The following GABRR3 variants were observed in gnomAD, a reference collection of about 807,000 sequenced individuals.
The protein encoded by GABRR3 is gamma-aminobutyric acid receptor subunit rho-3.
GABRR3 carries 29 observed loss-of-function variants against 43.2 expected under a neutral mutation model. That is an observed-to-expected ratio of 0.67 (90% CI 0.50 to 0.92). The LOEUF is 0.92. Ranked by LOEUF, GABRR3 falls within the 40% of genes least tolerant of loss-of-function variation. The pLI, the probability that GABRR3 is intolerant of heterozygous loss-of-function variation, is 0.00. For missense variants in GABRR3, 576 were observed against 572.3 expected, an observed-to-expected ratio of 1.01 and a Z score of -0.07; for synonymous variants, 206 against 195.9, an observed-to-expected ratio of 1.05 and a Z score of -0.43.
chr3:98,011,053 T>C (rs966692723), intron 5 of GABRR3, among the ~76,000 whole-genome samples: 1 of 152,128 alleles, frequency 6.6e-6, no homozygotes, highest in Non-Finnish European at 1.5e-5. Flanking sequence ...TGAGCTGAGA[T>C]TGTGCCACTG....
chr3:98,032,893 A>G (rs1707107931), intron 2 of GABRR3, among the ~76,000 whole-genome samples: 1 of 152,194 alleles, frequency 6.6e-6, no homozygotes, highest in Non-Finnish European at 1.5e-5. Context: ...TTCATTCATT[A>G]CTTAATTATT....
In GABRR3 at chr3:98,007,705, C is replaced by T. The variant is rs1039287616; in HGVS notation, c.754+59G>A. 6 of 1,588,286 alleles carry T rather than the reference C, an allele frequency of 3.8e-6. No homozygotes were observed. In the African/African-American group the frequency reaches 6.7e-5, roughly 18 times the overall value. ...TCCGGTCTTTTCGCATGTTGTGGTG[C>T]TTTGCAAACAGTAGATGTCCAATAA... On this transcript the variant is annotated intron_variant, in intron 7 of 9. Transcript: ENST00000621172.
At chr3:98,022,911 G>A (rs1706968214) in intron 3 of GABRR3, among the ~76,000 whole-genome samples, 1 of 152,094 alleles carries the variant, frequency 6.6e-6, no homozygotes, top group South Asian at 2.1e-4. Flanking sequence ...AACAGATCAA[G>A]CACAGTGGAA....
At chr3:98,031,491 T>A (rs1218938133) in intron 2 of GABRR3, among the ~76,000 whole-genome samples, 1 of 152,078 alleles carries the variant, frequency 6.6e-6, no homozygotes, top group Non-Finnish European at 1.5e-5. Flanking sequence ...ATGCCTATAA[T>A]CCCAGCACTT....
In GABRR3 at chr3:98,024,241, C is replaced by A. The variant is rs190376048; in HGVS notation, c.238+1326G>T. Among the ~76,000 whole-genome samples, 3 of 152,060 alleles carry A rather than the reference C, an allele frequency of 2.0e-5. No individual in the cohort carries two copies. The East Asian group carries it at 5.8e-4, about 29-fold the overall frequency. ...TGGCCTGGTTTCACGTGCCTGTAAT[C>A]CCAGCTACTTGGGAGGCTGAGGCTG... On this transcript the variant is annotated intron_variant, in intron 3 of 9. Coordinates refer to ENST00000621172, the Ensembl canonical transcript of GABRR3.
At chr3:98,015,019 G>A (rs1181103230) in intron 4 of GABRR3, among the ~76,000 whole-genome samples, 3 of 152,014 alleles carry the variant, frequency 2.0e-5, no homozygotes, top group Non-Finnish European at 4.4e-5. Flanking sequence ...ACTTTTGAAA[G>A]TTTTATAAGA....
Position 98,008,936 on chromosome 3 carries a change from C to T in GABRR3, c.613+20G>A, listed in dbSNP as rs1437300155. 6.6e-7 allele frequency: 1 copy of T among 1,505,628 alleles called. No homozygotes were observed. The highest frequency in any genetic ancestry group is 1.2e-5 in the South Asian group (1 of 84,678). 93.3% of individuals were successfully genotyped at this position (1,505,628 alleles called of 1,614,324 possible). ...GTGTTCAAATGATGTGCACTCACTC[C>T]ACCAGGAAGTGAGACTTACAGCTTT... On this transcript the variant is annotated intron_variant, in intron 6 of 9. Coordinates refer to ENST00000621172, the Ensembl canonical transcript of GABRR3.
In GABRR3 at chr3:98,002,489, A is replaced by G. The variant is rs188893536; in HGVS notation, c.755-722T>C. ...TGACTACAAGGAAGTTTAAAGCCAA[A>G]TTTTCAGACATCTACAGGACTTCTC... On this transcript the variant is annotated intron_variant, in intron 7 of 9. Coordinates refer to ENST00000621172, the Ensembl canonical transcript of GABRR3. Among the ~76,000 whole-genome samples, 243 of 152,224 alleles carry G rather than the reference A, an allele frequency of 1.6e-3. 2 individuals carry two copies. Among genetic ancestry groups the G allele is most frequent in the African/African-American group, 5.7e-3 (237 of 41,532 alleles).
At chr3:98,029,173 TC>T in intron 2 of GABRR3, among the ~76,000 whole-genome samples, 1 of 152,314 alleles carries the variant, frequency 6.6e-6, no homozygotes, top group East Asian at 1.9e-4. Context: ...TCACTGGCAT[TC>T]CTAATTTTTG....
At chr3:97,988,176 A>G (rs897558584) in intron 9 of GABRR3, among the ~76,000 whole-genome samples, 2 of 151,990 alleles carry the variant, frequency 1.3e-5, no homozygotes, top group African/African-American at 4.8e-5. Context: ...TATGTCTGTG[A>G]AGGTACCATC....
At chr3:98,026,602 G>GTCATCA (rs367904103) in intron 2 of GABRR3, among the ~76,000 whole-genome samples, 188 of 101,596 alleles carry the variant, frequency 1.9e-3, no homozygotes, top group African/African-American at 4.0e-3. Context: ...AAAGGTGGCT[G>GTCATCA]TCATCATCAT....
intron 2 of GABRR3, among the ~76,000 whole-genome samples, chr3:98,033,853 C>A (rs1428615166): frequency 2.0e-5 from 3 of 152,080 alleles, no homozygotes; most frequent in Non-Finnish European, 4.4e-5. Flanking sequence ...GAGCAGTAGT[C>A]CCTGATTTTT....
chr3:98,029,070 C>G (rs1028863483), intron 2 of GABRR3, among the ~76,000 whole-genome samples: 1 of 152,112 alleles, frequency 6.6e-6, no homozygotes, highest in Admixed American at 6.5e-5. Flanking sequence ...TGAGAAGAAG[C>G]TTTTGGATTT....
At chr3:97,985,581 A>G (rs1436507400), downstream of GABRR3, among the ~76,000 whole-genome samples, 1 of 152,224 alleles carries the variant, frequency 6.6e-6, no homozygotes, top group Admixed American at 6.5e-5. Flanking sequence ...CACTTAGAGA[A>G]GGCAGGAACG....
intron 4 of GABRR3, among the ~76,000 whole-genome samples, chr3:98,017,062 A>C (rs1706880658): frequency 6.6e-6 from 1 of 152,216 alleles, no homozygotes; most frequent in African/African-American, 2.4e-5. Flanking sequence ...CATAGAGTGA[A>C]TAATACTCTA....
chr3:97,998,185 A>G (rs1352290823), intron 8 of GABRR3: 1 of 152,250 alleles, frequency 6.6e-6, no homozygotes, highest in Non-Finnish European at 1.5e-5. Context: ...AGTGCATAGT[A>G]ACTGGCCTAA....
chr3:98,009,014 A>G (rs1706756696), exon 6 of GABRR3: 1 of 1,607,422 alleles, frequency 6.2e-7, no homozygotes, highest in African/African-American at 1.3e-5. Context: ...TGAAATCCAT[A>G]AAGCACATGG....
In GABRR3 at chr3:98,009,083, T is replaced by C. The variant is rs547286293; in HGVS notation, c.531-45A>G. On this transcript the variant is annotated intron_variant, in intron 5 of 9. Transcript: ENST00000621172. ...AAGAAAACTGCAGATCATTTAACCATCTGGCCAAATGAGCATGCAACATTG... is the reference window on the plus strand; with the variant it reads ...AAGAAAACTGCAGATCATTTAACCACCTGGCCAAATGAGCATGCAACATTG... The C allele has an allele frequency of 1.4e-5, 17 of 1,246,300 alleles. No homozygotes were observed. The African/African-American group carries it at 1.8e-4, about 13-fold the overall frequency. 77.2% of individuals were successfully genotyped at this position (1,246,300 alleles called of 1,614,324 possible).
chr3:98,012,597 A>AC (rs397809831), intron 4 of GABRR3, 30 bp from the exon 5 acceptor site: 13 of 1,537,222 alleles, frequency 8.5e-6, no homozygotes, highest in African/African-American at 2.7e-5. Context: ...GACCAAAAAA[A>AC]CCAGTAGGAA....
Sources: gnomAD v4.1 joint callset for allele counts (sites outside exome capture counted in the v4.1 genomes callset) on GRCh38, gnomAD v4.1.1 for gene constraint, MANE v1.5 for transcripts, NCBI Gene and HGNC (gene_info 2026-07-23, HGNC 2026-07-21) for gene names.